The following IGF2BP1 variants were observed in gnomAD, a reference collection of about 807,000 sequenced individuals.
IGF2BP1 encodes insulin like growth factor 2 mRNA binding protein 1, also known as insulin-like growth factor 2 mRNA-binding protein 1.
IGF2BP1 carries 11 observed loss-of-function variants against 74.9 expected under a neutral mutation model. The ratio of observed to expected loss-of-function variants is 0.15; its 90% confidence interval spans 0.09 to 0.24. IGF2BP1 has a LOEUF of 0.24. Ranked by LOEUF, IGF2BP1 falls within the 10% of genes least tolerant of loss-of-function variation. IGF2BP1 has a pLI of 1.00. For missense variants in IGF2BP1, 440 were observed against 757.4 expected (o/e 0.58, Z 4.92); for synonymous variants, 287 against 281.8 (o/e 1.02, Z -0.18).
intron 2 of IGF2BP1, chr17:49,013,641 G>A (rs918920071): frequency 2.0e-5 from 3 of 152,344 alleles, no homozygotes; most frequent in African/African-American, 7.2e-5. Flanking sequence ...TGACCACAGG[G>A]AGGTCGGGTC....
rs1314312902 is a variant in IGF2BP1, at chr17:49,052,283, G to A, written c.*2839G>A. 6.6e-6 allele frequency: 1 copy of A among 152,064 alleles called. No homozygotes were observed. The highest frequency in any genetic ancestry group is 1.5e-5 in the Non-Finnish European group (1 of 68,028). The allele number at this position is 152,064 out of a possible 1,614,324, so 9.4% of individuals were successfully genotyped here. A position where few individuals can be genotyped will look rare whatever the true frequency, so the allele number is the denominator to read the frequency against. ...CAAAGCAGATAACGTTCAGACGTCG[G>A]CCATTTAGTAATTTAAAGCGAATTT... On this transcript the variant is annotated 3_prime_UTR_variant, in exon 15 of 15. Coordinates refer to ENST00000290341, the MANE Select transcript of IGF2BP1 (RefSeq NM_006546.4).
At chr17:49,026,097 C>T (rs2041850305) in intron 3 of IGF2BP1, among the ~76,000 whole-genome samples, 1 of 152,058 alleles carries the variant, frequency 6.6e-6, no homozygotes, top group Non-Finnish European at 1.5e-5. Context: ...TCAAGTGAGC[C>T]ACCGTGCCTG....
intron 2 of IGF2BP1, among the ~76,000 whole-genome samples, chr17:49,019,938 A>ATATATATTTATATATATT (rs2041763761): frequency 5.2e-5 from 3 of 57,390 alleles, no homozygotes; most frequent in African/African-American, 8.4e-5. Flanking sequence ...ATATATATAT[A>ATATATATTTATATATATT]TATATATATA....
intron 2 of IGF2BP1, among the ~76,000 whole-genome samples, chr17:49,021,375 T>C (rs964107116): frequency 3.9e-5 from 6 of 152,146 alleles, no homozygotes; most frequent in African/African-American, 1.4e-4. Flanking sequence ...TTTCCCTCTG[T>C]TTTCTCCTGA....
In IGF2BP1 at chr17:49,043,418, TC is replaced by T; in HGVS notation, c.1078-9del. On this transcript the variant is annotated splice_polypyrimidine_tract_variant and intron_variant, in intron 9 of 14. Transcript: ENST00000290341. Reference sequence around the variant, plus strand: ...TGTGCTGACTCTTCCTCCTCATCTTTCTTCCCCAGCTGCAGTCTCACCTGAT... The same window carrying T: ...TGTGCTGACTCTTCCTCCTCATCTTTTTCCCCAGCTGCAGTCTCACCTGAT... 6.2e-7 allele frequency: 1 copy of T among 1,613,696 alleles called. No homozygotes were observed. Among genetic ancestry groups the T allele is most frequent in the African/African-American group, 1.3e-5 (1 of 75,038 alleles).
chr17:49,048,626 T>C (rs2042132303), intron 14 of IGF2BP1, among the ~76,000 whole-genome samples: 1 of 152,052 alleles, frequency 6.6e-6, no homozygotes, highest in Admixed American at 6.6e-5. Flanking sequence ...GTCTTCTAAG[T>C]TACGACCCTC....
chr17:49,014,604 T>C (rs1466296473), intron 2 of IGF2BP1, among the ~76,000 whole-genome samples: 1 of 151,888 alleles, frequency 6.6e-6, no homozygotes, highest in South Asian at 2.1e-4. Flanking sequence ...AGAGACTGGC[T>C]GAGGAAGCGC....
At chr17:49,007,255 CA>C (rs1245864997) in intron 2 of IGF2BP1, among the ~76,000 whole-genome samples, 1 of 152,138 alleles carries the variant, frequency 6.6e-6, no homozygotes, top group African/African-American at 2.4e-5. Context: ...CCTAGATACC[CA>C]GGGGGTGACT....
rs764915786 is a variant in IGF2BP1, at chr17:49,049,671, A to G, written c.*227A>G. 6.3e-4 allele frequency: 311 copies of G among 495,574 alleles called. 1 individual carries two copies. Among genetic ancestry groups the G allele is most frequent in the Non-Finnish European group, 1.0e-3 (276 of 275,462 alleles). The allele number at this position is 495,574 out of a possible 1,614,324, so 30.7% of individuals were successfully genotyped here. On this transcript the variant is annotated 3_prime_UTR_variant, in exon 15 of 15. Transcript: ENST00000290341. ...CACTGTCTGCCCCTCGGGGTGTCAG[A>G]AATTCTAGCGCAAGGCACTTTTAAA...
chr17:49,024,094 T>C (rs990002750), intron 2 of IGF2BP1, among the ~76,000 whole-genome samples: 14 of 141,926 alleles, frequency 9.9e-5, no homozygotes, highest in Non-Finnish European at 4.7e-5. Flanking sequence ...TTTTTTTTTT[T>C]TTTTTTTTTT....
At chr17:49,019,955 T>TATATAC (rs2041767170) in intron 2 of IGF2BP1, among the ~76,000 whole-genome samples, 2 of 78,462 alleles carry the variant, frequency 2.5e-5, no homozygotes, top group Non-Finnish European at 4.6e-5. Flanking sequence ...TATATTTATA[T>TATATAC]ACACACACAC....
intron 4 of IGF2BP1, among the ~76,000 whole-genome samples, chr17:49,030,756 A>G (rs1470415185): frequency 6.6e-6 from 1 of 151,894 alleles, no homozygotes; most frequent in Non-Finnish European, 1.5e-5. Context: ...CCTCCCAAGT[A>G]GCTGGGACTA....
At chr17:49,023,540 C>T (rs1254859703) in intron 2 of IGF2BP1, among the ~76,000 whole-genome samples, 1 of 152,166 alleles carries the variant, frequency 6.6e-6, no homozygotes, top group Admixed American at 6.5e-5. Context: ...TAGAGCTTAG[C>T]ATCCCCCTTC....
At chr17:49,044,132 T>G in intron 11 of IGF2BP1, 46 bp downstream of exon 11, 1 of 1,602,564 alleles carries the variant, frequency 6.2e-7, no homozygotes, top group Non-Finnish European at 8.5e-7. Flanking sequence ...GGGAGGGGTC[T>G]CTGCTTTTAT....
chr17:49,002,260 A>T (rs2041496360), intron 2 of IGF2BP1, among the ~76,000 whole-genome samples: 1 of 152,164 alleles, frequency 6.6e-6, no homozygotes, highest in Non-Finnish European at 1.5e-5. Context: ...TTTACAGTTT[A>T]ATTTTTTGAA....
At chr17:49,020,511 A>G (rs2041779235) in intron 2 of IGF2BP1, among the ~76,000 whole-genome samples, 2 of 152,228 alleles carry the variant, frequency 1.3e-5, no homozygotes, top group Admixed American at 1.3e-4. Context: ...GCAGAACCAC[A>G]GCCAGAATTT....
Position 49,031,955 on chromosome 17 carries a change from A to G in IGF2BP1, c.383A>G (p.Asn128Ser), listed in dbSNP as rs138731585. 4.6e-4 allele frequency: 651 copies of G among 1,417,812 alleles called. No individual in the cohort carries two copies. Among genetic ancestry groups the G allele is most frequent in the Non-Finnish European group, 5.8e-4 (614 of 1,054,048 alleles). 87.8% of individuals were successfully genotyped at this position (1,417,812 alleles called of 1,614,324 possible). A position where few individuals can be genotyped will look rare whatever the true frequency, so the allele number is the denominator to read the frequency against. Residue 128 changes from asparagine to serine, a missense_variant, in exon 5 of 15, where the codon AAC (asparagine) becomes AGC (serine). By Grantham distance (46) the Asn-to-Ser change is conservative. Transcript: ENST00000290341. ...GCAGTGGTGAATGTCACCTATTCCA[A>G]CCGGGAGCAGACCAGGCAGTGAGTG... is the stretch of plus-strand genomic sequence containing the variant. ...ETAVVNVTYSNREQTRQAIMK... is the reference protein window; with the variant it reads ...ETAVVNVTYSSREQTRQAIMK...
chr17:49,049,224 ATCTT>A, intron 14 of IGF2BP1, 124 bp from the exon 15 acceptor site: 2 of 692,474 alleles, frequency 2.9e-6, no homozygotes, highest in African/African-American at 3.6e-5. Context: ...CTTCCTCTTT[ATCTT>A]TCTTCTGAGT....
At chr17:49,035,330 T>C (rs930427069) in intron 5 of IGF2BP1, among the ~76,000 whole-genome samples, 3 of 152,208 alleles carry the variant, frequency 2.0e-5, no homozygotes, top group African/African-American at 7.2e-5. Context: ...ATGTATTAGC[T>C]GTAAGGTAGG....
Sources: gnomAD v4.1 joint callset for allele counts (sites outside exome capture counted in the v4.1 genomes callset) on GRCh38, gnomAD v4.1.1 for gene constraint, MANE v1.5 for transcripts, NCBI Gene and HGNC (gene_info 2026-07-23, HGNC 2026-07-21) for gene names.